Variants in CCDC7 observed in about 807,000 individuals in gnomAD.
CCDC7 encodes the protein coiled-coil domain-containing protein 7.
In CCDC7, 183 loss-of-function variants were observed where a neutral mutation model predicts 196.9. The ratio of observed to expected loss-of-function variants is 0.93; its 90% confidence interval spans 0.82 to 1.05. The LOEUF (loss-of-function observed/expected upper bound fraction) is 1.05, where lower values mean the gene tolerates loss of function less well. Among genes scored for constraint, CCDC7 ranks in the 50% least tolerant of loss-of-function variants. The pLI is 0.00. For synonymous variants in CCDC7, 525 were observed against 484.6 expected, an observed-to-expected ratio of 1.08 and a Z score of -1.10; for missense variants, 1,540 against 1,482.2, an observed-to-expected ratio of 1.04 and a Z score of -0.64.
chr10:32,461,826 C>G (rs563715146), intron 3 of CCDC7, among the ~76,000 whole-genome samples: 1 of 148,444 alleles, frequency 6.7e-6, no homozygotes, highest in East Asian at 2.0e-4. Flanking sequence ...GGCTGGAGTG[C>G]AATGGCGTGA....
chr10:32,688,619 G>GT (rs2076728648), intron 22 of CCDC7, among the ~76,000 whole-genome samples: 2 of 151,956 alleles, frequency 1.3e-5, no homozygotes, highest in African/African-American at 4.8e-5. Flanking sequence ...TGTATGTACA[G>GT]TTTTTTGGAC....
At chr10:32,595,846 A>T (rs2060281507) in intron 18 of CCDC7, among the ~76,000 whole-genome samples, 1 of 152,036 alleles carries the variant, frequency 6.6e-6, no homozygotes, top group South Asian at 2.1e-4. Context: ...CGTGTAGTTG[A>T]GTGGTTTTGA....
rs185431065 is a variant in CCDC7, at chr10:32,509,840, T to C, written c.873-8105T>C. Among the ~76,000 whole-genome samples the C allele has an allele frequency of 2.0e-5, 3 of 152,282 alleles. No homozygotes were observed. In the East Asian group the frequency reaches 5.8e-4, roughly 29 times the overall value. On this transcript the variant is annotated intron_variant, in intron 9 of 41. Transcript: ENST00000639629. ...GTAAATCAAAATCACAATGAAATAATACATCATACTTGTTAGGTTGGCTGT... is the reference window on the plus strand; with the variant it reads ...GTAAATCAAAATCACAATGAAATAACACATCATACTTGTTAGGTTGGCTGT...
At chr10:32,615,339 G>C (rs2990971) in intron 18 of CCDC7, among the ~76,000 whole-genome samples, 21,015 of 152,064 alleles carry the variant, frequency 0.14, 1,759 homozygotes, top group East Asian at 0.25. Flanking sequence ...GCCAACATCT[G>C]TTGTGTTTTG....
chr10:32,547,039 T>C (rs1160403416), intron 13 of CCDC7, among the ~76,000 whole-genome samples: 1 of 151,928 alleles, frequency 6.6e-6, no homozygotes, highest in African/African-American at 2.4e-5. Context: ...TTTCTTCTTC[T>C]ACAGGGTCTC....
chr10:32,729,567 C>T (rs1327638052), intron 28 of CCDC7, 110 bp downstream of exon 29: 6 of 482,880 alleles, frequency 1.2e-5, no homozygotes, highest in Non-Finnish European at 2.1e-5. Flanking sequence ...CTAATTATTT[C>T]CATCACACTA....
intron 20 of CCDC7, among the ~76,000 whole-genome samples, chr10:32,643,214 C>T (rs1326137652): frequency 6.6e-6 from 1 of 152,076 alleles, no homozygotes; most frequent in Non-Finnish European, 1.5e-5. Flanking sequence ...TATAAAAATT[C>T]CATATTTCTG....
At chr10:32,447,961 T>C (rs1443283254), upstream of CCDC7, among the ~76,000 whole-genome samples, 2 of 152,204 alleles carry the variant, frequency 1.3e-5, no homozygotes, top group East Asian at 1.9e-4. Flanking sequence ...AGTTCTATAA[T>C]GTGTTTATTT....
At chr10:32,445,874 G>A (rs916758180), upstream of CCDC7, among the ~76,000 whole-genome samples, 2 of 152,214 alleles carry the variant, frequency 1.3e-5, no homozygotes, top group Admixed American at 1.3e-4. Flanking sequence ...GTCCTACCAG[G>A]CCTGTACTTT....
At chr10:32,668,961 CT>C (rs2073450128) in intron 21 of CCDC7, among the ~76,000 whole-genome samples, 1 of 152,006 alleles carries the variant, frequency 6.6e-6, no homozygotes, top group African/African-American at 2.4e-5. Context: ...AATAAGCATC[CT>C]TGTCTTGTTT....
intron 25 of CCDC7, among the ~76,000 whole-genome samples, chr10:32,723,617 C>T (rs1159881128): frequency 6.6e-6 from 1 of 152,030 alleles, no homozygotes. Flanking sequence ...CCTTTCATCC[C>T]AGTCCTCTCT....
intron 9 of CCDC7, among the ~76,000 whole-genome samples, chr10:32,504,464 G>C (rs2044575879): frequency 6.6e-6 from 1 of 151,954 alleles, no homozygotes; most frequent in Admixed American, 6.6e-5. Context: ...GGCTTAATTT[G>C]TTATTTTTCT....
At chr10:32,640,887 T>TTTTTTTTTTTTTC (rs1269017758) in intron 20 of CCDC7, among the ~76,000 whole-genome samples, 1 of 137,446 alleles carries the variant, frequency 7.3e-6, no homozygotes, top group Non-Finnish European at 1.6e-5. Context: ...TTTTTTTTTT[T>TTTTTTTTTTTTTC]ATTATACTCT....
rs545193434 is a variant in CCDC7 at position 32,682,392 on chromosome 10, C to T, written c.2123-3578C>T. Among the ~76,000 whole-genome samples, 5 of 152,294 alleles carry T rather than the reference C, an allele frequency of 3.3e-5. No individual in the cohort carries two copies. The South Asian group carries it at 1.0e-3, about 32-fold the overall frequency. The stretch of plus-strand genomic sequence containing the variant: ...ATGTACCACATTTTCTTTATTCAGT[C>T]CACTGTTGATGAGCAGGCATCTAGG... On this transcript the variant is annotated intron_variant, in intron 21 of 41. Transcript: ENST00000639629.
At chr10:32,733,334 G>GT (rs1232604550) in intron 28 of CCDC7, among the ~76,000 whole-genome samples, 3 of 151,992 alleles carry the variant, frequency 2.0e-5, no homozygotes, top group Non-Finnish European at 4.4e-5. Context: ...AATTACAGAG[G>GT]TTTTTTGATA....
intron 28 of CCDC7, among the ~76,000 whole-genome samples, chr10:32,735,105 A>C (rs2084643958): frequency 6.6e-6 from 1 of 152,116 alleles, no homozygotes; most frequent in African/African-American, 2.4e-5. Flanking sequence ...CAATACTCCT[A>C]AACCACAAAA....
chr10:32,662,601 T>A (rs1037109713), intron 20 of CCDC7, among the ~76,000 whole-genome samples: 9 of 152,162 alleles, frequency 5.9e-5, no homozygotes, highest in African/African-American at 2.2e-4. Context: ...GTTGAGCAAC[T>A]AGAGCCATAG....
At chr10:32,864,586 A>T (rs112906352) in intron 41 of CCDC7, among the ~76,000 whole-genome samples, 6,451 of 151,638 alleles carry the variant, frequency 0.043, 461 homozygotes, top group African/African-American at 0.15. Flanking sequence ...AATTCTAAAG[A>T]TTAAAGATGA....
intron 20 of CCDC7, among the ~76,000 whole-genome samples, chr10:32,651,792 A>C (rs1461798960): frequency 6.6e-6 from 1 of 152,022 alleles, no homozygotes; most frequent in African/African-American, 2.4e-5. Flanking sequence ...GGAGAATTTT[A>C]TCTTAGGGTT....
Sources: allele counts gnomAD v4.1 joint callset (sites outside exome capture counted in the v4.1 genomes callset), GRCh38; gene constraint gnomAD v4.1.1; transcripts MANE v1.5; gene names NCBI Gene and HGNC (gene_info 2026-07-23, HGNC 2026-07-21).